Variants in NRF1 observed in about 807,000 individuals in gnomAD.
NRF1 encodes the protein alpha palindromic-binding protein.
In NRF1, 5 loss-of-function variants were observed where a neutral mutation model predicts 58.5. The observed-to-expected ratio is 0.09, with a 90% CI of 0.04 to 0.18. The LOEUF (loss-of-function observed/expected upper bound fraction) is 0.18, where lower values mean the gene tolerates loss of function less well. Ranked by LOEUF, NRF1 falls within the 10% of genes least tolerant of loss-of-function variation. The pLI is 1.00. For synonymous variants in NRF1, 224 were observed against 246.7 expected (o/e 0.91, Z 0.86); for missense variants, 288 against 657.7 (o/e 0.44, Z 6.15).
rs1298437040 is a variant in NRF1 at position 129,735,181 on chromosome 7, G to T, written c.1348+7816G>T. 4.1e-6 allele frequency: 4 copies of T among 985,294 alleles called. No homozygotes were observed. In the African/African-American group the frequency reaches 5.2e-5, roughly 13 times the overall value. The allele number at this position is 985,294 out of a possible 1,614,324, so 61.0% of individuals were successfully genotyped here. A position where few individuals can be genotyped will look rare whatever the true frequency, so the allele number is the denominator to read the frequency against. ...CTATGCTGCCCTGGTTAAGACTAGG[G>T]TCTCAACCCTCCCTCCTCATGTTCT... On this transcript the variant is annotated intron_variant, in intron 10 of 10. Coordinates refer to ENST00000393232, the MANE Select transcript of NRF1 (RefSeq NM_005011.5).
chr7:129,709,858 G>A (rs962681251), intron 6 of NRF1, among the ~76,000 whole-genome samples: 3 of 151,176 alleles, frequency 2.0e-5, no homozygotes, highest in Non-Finnish European at 4.4e-5. Flanking sequence ...AGCCTCCCGA[G>A]TAGTTGGGAT....
At chr7:129,687,394 G>C (rs1802466326) in intron 4 of NRF1, among the ~76,000 whole-genome samples, 1 of 151,554 alleles carries the variant, frequency 6.6e-6, no homozygotes, top group Middle Eastern at 3.4e-3. Context: ...TCCTACCTCA[G>C]CCTCCCAAGT....
In NRF1 at chr7:129,657,411, G is replaced by A. The variant is rs1182210749; in HGVS notation, c.60G>A (p.Val20=). ...EHMATIEAHA[V]AQQVQQVHVA... is the part of the protein sequence containing the mutation. ...TGGCTACCATAGAAGCACATGCAGT[G>A]GCCCAGCAAGTGCAGCAGGTCCATG... Residue 20 remains valine, a synonymous_variant, in exon 2 of 11, where the codon GTG becomes GTA. Transcript: ENST00000393232. The A allele has an allele frequency of 6.2e-7, 1 of 1,614,062 alleles. No individual in the cohort carries two copies. The highest frequency in any genetic ancestry group is 1.7e-5 in the Admixed American group (1 of 59,998).
At chr7:129,721,364 T>TG (rs35740359) in intron 9 of NRF1, among the ~76,000 whole-genome samples, 3 of 152,128 alleles carry the variant, frequency 2.0e-5, no homozygotes, top group Admixed American at 1.3e-4. Flanking sequence ...CTCAGTGCTA[T>TG]GGGGAAATAT....
intron 2 of NRF1, among the ~76,000 whole-genome samples, chr7:129,658,629 G>T (rs533987153): frequency 2.7e-4 from 40 of 149,756 alleles, no homozygotes; most frequent in African/African-American, 9.8e-4. Flanking sequence ...GCAAAACGTT[G>T]TATGTACTTG....
intron 1 of NRF1, among the ~76,000 whole-genome samples, chr7:129,629,451 CT>C (rs1266730793): frequency 6.6e-6 from 1 of 152,082 alleles, no homozygotes; most frequent in Non-Finnish European, 1.5e-5. Context: ...GAATTTTGTA[CT>C]TTTAGTGAGA....
At chr7:129,631,756 G>A (rs1244031794) in intron 1 of NRF1, among the ~76,000 whole-genome samples, 1 of 152,066 alleles carries the variant, frequency 6.6e-6, no homozygotes, top group Non-Finnish European at 1.5e-5. Context: ...ACTGACCAAA[G>A]TAAAAAATCT....
In NRF1 at chr7:129,756,334, C is replaced by G. The variant is rs11557288; in HGVS notation, c.*1153C>G. 0.27 allele frequency: 40,576 copies of G among 152,078 alleles called. 6,152 individuals carry two copies. Among genetic ancestry groups the G allele is most frequent in the Non-Finnish European group, 0.35 (23,932 of 68,030 alleles). The allele number at this position is 152,078 out of a possible 1,614,324, so 9.4% of individuals were successfully genotyped here. On this transcript the variant is annotated 3_prime_UTR_variant, in exon 11 of 11. Coordinates refer to ENST00000393232, the MANE Select transcript of NRF1 (RefSeq NM_005011.5). The stretch of plus-strand genomic sequence containing the variant: ...CTTGGAAGCTAAGCTTGGTTGGGCC[C>G]GGTCAGTACGCGGAAGGGAAGAAGG...
At chr7:129,656,101 A>T (rs1348993159) in intron 1 of NRF1, among the ~76,000 whole-genome samples, 3 of 150,886 alleles carry the variant, frequency 2.0e-5, no homozygotes. Flanking sequence ...TAGCTGGATC[A>T]TGTGGTACTT....
At chr7:129,663,970 C>T (rs879250094) in intron 2 of NRF1, among the ~76,000 whole-genome samples, 4 of 152,150 alleles carry the variant, frequency 2.6e-5, no homozygotes, top group South Asian at 2.1e-4. Context: ...ACCAAAAATA[C>T]GAAAACCAGT....
At chr7:129,615,637 A>T (rs1360922104) in intron 1 of NRF1, among the ~76,000 whole-genome samples, 1 of 152,248 alleles carries the variant, frequency 6.6e-6, no homozygotes, top group East Asian at 1.9e-4. Flanking sequence ...TAAAACAGCA[A>T]TGAAAAAGGA....
At chr7:129,681,914 C>A (rs1334374290) in intron 4 of NRF1, among the ~76,000 whole-genome samples, 2 of 147,700 alleles carry the variant, frequency 1.4e-5, no homozygotes, top group African/African-American at 5.0e-5. Context: ...AGTGGGACCT[C>A]ATCTCTACAA....
intron 10 of NRF1, among the ~76,000 whole-genome samples, chr7:129,735,530 AAAT>A (rs1286827806): frequency 6.6e-6 from 1 of 152,196 alleles, no homozygotes; most frequent in Non-Finnish European, 1.5e-5. Flanking sequence ...ACTTCCTAGT[AAAT>A]AAAAAATAAA....
chr7:129,629,491 TCTCAAACTCCTGAC>T (rs1801000355), intron 1 of NRF1, among the ~76,000 whole-genome samples: 1 of 151,952 alleles, frequency 6.6e-6, no homozygotes, highest in Non-Finnish European at 1.5e-5. Flanking sequence ...GCCAGGCTGT[TCTCAAACTCCTGAC>T]CTCAGGTGAT....
chr7:129,654,769 A>G (rs902211546), intron 1 of NRF1, among the ~76,000 whole-genome samples: 4 of 152,154 alleles, frequency 2.6e-5, no homozygotes, highest in African/African-American at 9.7e-5. Context: ...AGCTGGCTCT[A>G]TTTATGTGGG....
chr7:129,616,900 ATAATC>A (rs1267656577), intron 1 of NRF1, among the ~76,000 whole-genome samples: 2 of 152,236 alleles, frequency 1.3e-5, no homozygotes, highest in African/African-American at 4.8e-5. Flanking sequence ...TACTAGTAAA[ATAATC>A]TAGTTTTGTA....
chr7:129,709,720 C>G (rs1487965905), intron 6 of NRF1, among the ~76,000 whole-genome samples: 1 of 145,278 alleles, frequency 6.9e-6, no homozygotes, highest in Non-Finnish European at 1.5e-5. Flanking sequence ...CTTTTTCTTT[C>G]TTTTCTTTCT....
intron 10 of NRF1, among the ~76,000 whole-genome samples, chr7:129,735,989 C>A (rs955228936): frequency 6.6e-6 from 1 of 151,870 alleles, no homozygotes; most frequent in African/African-American, 2.4e-5. Flanking sequence ...GGTGACAGAG[C>A]GAGACTCCGT....
At chr7:129,632,077 C>A (rs997989099) in intron 1 of NRF1, among the ~76,000 whole-genome samples, 1 of 152,070 alleles carries the variant, frequency 6.6e-6, no homozygotes, top group Non-Finnish European at 1.5e-5. Flanking sequence ...TAGTTCGAGA[C>A]CAGACTGGGC....
Sources: allele counts gnomAD v4.1 joint callset (sites outside exome capture counted in the v4.1 genomes callset), GRCh38; gene constraint gnomAD v4.1.1; transcripts MANE v1.5; gene names NCBI Gene and HGNC (gene_info 2026-07-23, HGNC 2026-07-21).